Variants in CAPN8 observed in about 807,000 individuals in gnomAD.
The protein encoded by CAPN8 is calpain-8.
CAPN8 carries 87 observed loss-of-function variants against 80.9 expected under a neutral mutation model. That is an observed-to-expected ratio of 1.07 (90% CI 0.90 to 1.28). CAPN8 has a LOEUF of 1.28. Ranked by LOEUF, CAPN8 falls within the 50% of genes most tolerant of loss-of-function variation. The pLI is 0.00. For missense variants in CAPN8, 757 were observed against 702.0 expected, an observed-to-expected ratio of 1.08 and a Z score of -0.89; for synonymous variants, 299 against 273.8, an observed-to-expected ratio of 1.09 and a Z score of -0.91.
At chr1:223,551,109 A>G (rs1424264537) in intron 14 of CAPN8, 92 bp from the exon 15 acceptor site, 1 of 676,054 alleles carries the variant, frequency 1.5e-6, no homozygotes, top group African/African-American at 1.8e-5. Context: ...ACAGTCAGAC[A>G]CCAGGCCCAC....
rs749709383 is a variant in CAPN8 at position 223,544,119 on chromosome 1, G to A, written c.1977C>T (p.Gly659=). The A allele has an allele frequency of 6.3e-5, 45 of 718,414 alleles. 1 individual carries two copies. The South Asian group carries it at 6.5e-4, about 10-fold the overall frequency. 44.5% of individuals were successfully genotyped at this position (718,414 alleles called of 1,614,324 possible). The stretch of plus-strand genomic sequence containing the variant: ...AAGCCACGAAGCTGTCAAAGTTGAT[G>A]CCAAGCTTGCTGCACGCATACCGCA... The part of the protein sequence containing the change: ...IALRYACSKL[G]INFDSFVACM... Residue 659 remains glycine, a synonymous_variant, in exon 19 of 21, where the codon GGC becomes GGT. Coordinates refer to ENST00000366872, the MANE Select transcript of CAPN8 (RefSeq NM_001143962.2).
At chr1:223,652,227 A>G (rs1658361516) in intron 2 of CAPN8, among the ~76,000 whole-genome samples, 1 of 152,140 alleles carries the variant, frequency 6.6e-6, no homozygotes, top group African/African-American at 2.4e-5. Context: ...CTGCTGTCTC[A>G]GCTGCTCAGG....
intron 6 of CAPN8, among the ~76,000 whole-genome samples, chr1:223,623,520 T>C (rs1041263711): frequency 3.9e-5 from 6 of 152,176 alleles, no homozygotes; most frequent in African/African-American, 1.4e-4. Flanking sequence ...CCCCTATTTA[T>C]TGAACACTCA....
chr1:223,553,479 AT>A (rs1430289195), intron 14 of CAPN8, among the ~76,000 whole-genome samples: 2 of 152,180 alleles, frequency 1.3e-5, no homozygotes, highest in African/African-American at 4.8e-5. Flanking sequence ...TCTGAAGGAT[AT>A]CTATTTGGAG....
At chr1:223,612,731 C>G (rs982499703) in intron 10 of CAPN8, among the ~76,000 whole-genome samples, 8 of 152,166 alleles carry the variant, frequency 5.3e-5, no homozygotes, top group African/African-American at 1.9e-4. Context: ...CTGAGCCCAT[C>G]AGAGACTTAC....
chr1:223,654,842 A>ATTTTTTTTTTTTTTTT (rs35365292), intron 1 of CAPN8, among the ~76,000 whole-genome samples: 3 of 111,736 alleles, frequency 2.7e-5, no homozygotes, highest in African/African-American at 1.1e-4. Context: ...CACCCGGCTA[A>ATTTTTTTTTTTTTTTT]TTTTTTTTTT....
intron 1 of CAPN8, among the ~76,000 whole-genome samples, chr1:223,663,836 G>C (rs1314171230): frequency 6.6e-6 from 1 of 152,152 alleles, no homozygotes; most frequent in Non-Finnish European, 1.5e-5. Flanking sequence ...AAAGGGTAGA[G>C]GTAGCTAGCT....
rs1322865631 is a variant in CAPN8 at position 223,557,347 on chromosome 1, C to A, written c.1572+784G>T. The stretch of plus-strand genomic sequence containing the variant: ...AGATGCCACGCCCAGCAGCTGGGAG[C>A]ACTCTGTGTGGCATCTGCAGCCAGA... On this transcript the variant is annotated intron_variant, in intron 13 of 20. Transcript: ENST00000366872. Among the ~76,000 whole-genome samples the A allele has an allele frequency of 3.3e-5, 5 of 152,368 alleles. 1 individual carries two copies. The South Asian group carries it at 1.0e-3, about 32-fold the overall frequency.
At chr1:223,645,215 C>G (rs1658156261) in intron 2 of CAPN8, among the ~76,000 whole-genome samples, 1 of 152,156 alleles carries the variant, frequency 6.6e-6, no homozygotes, top group South Asian at 2.1e-4. Context: ...CCGGAAGACT[C>G]GGCAAGTCTA....
Sources: gnomAD v4.1 joint callset for allele counts (sites outside exome capture counted in the v4.1 genomes callset) on GRCh38, gnomAD v4.1.1 for gene constraint, MANE v1.5 for transcripts, NCBI Gene and HGNC (gene_info 2026-07-23, HGNC 2026-07-21) for gene names.